Variants in UTRN observed in about 807,000 individuals in gnomAD.
The protein encoded by UTRN is dystrophin-related protein 1.
A neutral mutation model predicts 463.9 loss-of-function variants in UTRN; 283 were observed. The ratio of observed to expected loss-of-function variants is 0.61; its 90% CI spans 0.55 to 0.67. The LOEUF is 0.67. Ranked by LOEUF, UTRN falls within the 30% of genes least tolerant of loss-of-function variation. The pLI, the probability that UTRN is intolerant of heterozygous loss-of-function variation, is 0.00. For missense variants in UTRN, 3,922 were observed against 4,084.3 expected (o/e 0.96, Z 1.08); for synonymous variants, 1,442 against 1,431.5 (o/e 1.01, Z -0.17).
At chr6:144,301,991 C>T (rs1252432908) in intron 2 of UTRN, among the ~76,000 whole-genome samples, 2 of 152,152 alleles carry the variant, frequency 1.3e-5, no homozygotes, top group African/African-American at 4.8e-5. Context: ...TTCTCCTTCT[C>T]CCTGCGTCCC....
In UTRN at chr6:144,473,740, G is replaced by T. The variant is rs1039581667; in HGVS notation, c.3087G>T (p.Glu1029Asp). 1 of 1,614,142 alleles carries T rather than the reference G, an allele frequency of 6.2e-7. No individual in the cohort carries two copies. Reference sequence around the variant, plus strand: ...ATTAGGCCGATTCAACAGTCATTGAGAAGTGGATGGATGGCGTGAAAGACT... The same window carrying T: ...ATTAGGCCGATTCAACAGTCATTGATAAGTGGATGGATGGCGTGAAAGACT... Reference protein sequence around the residue: ...RAFEADSTVIEKWMDGVKDFL... With the variant: ...RAFEADSTVIDKWMDGVKDFL... Residue 1029 changes from glutamate to aspartate, a missense_variant, in exon 24 of 75, where the codon GAG (glutamate) becomes GAT (aspartate). Glu to Asp is a conservative substitution (Grantham distance 45). Coordinates refer to ENST00000367545, the MANE Select transcript of UTRN (RefSeq NM_007124.3).
chr6:144,806,599 C>T (rs1002224510), intron 65 of UTRN, among the ~76,000 whole-genome samples: 6 of 145,468 alleles, frequency 4.1e-5, no homozygotes, highest in African/African-American at 1.5e-4. Flanking sequence ...TTCTCTGAAG[C>T]CACAGAGAAA....
At chr6:144,567,329 G>A (rs1800498711) in intron 50 of UTRN, among the ~76,000 whole-genome samples, 1 of 152,110 alleles carries the variant, frequency 6.6e-6, no homozygotes, top group Non-Finnish European at 1.5e-5. Flanking sequence ...AGGTATTGGA[G>A]TTATGATTCA....
intron 58 of UTRN, among the ~76,000 whole-genome samples, chr6:144,770,788 T>A (rs991187944): frequency 2.0e-4 from 31 of 152,062 alleles, no homozygotes; most frequent in African/African-American, 7.5e-4. Flanking sequence ...TAGAAAATAA[T>A]AATACTGGTT....
At chr6:144,389,640 C>T (rs1335285577) in intron 2 of UTRN, among the ~76,000 whole-genome samples, 3 of 151,962 alleles carry the variant, frequency 2.0e-5, no homozygotes, top group East Asian at 3.9e-4. Flanking sequence ...GCTGTGTTGC[C>T]CAGGCTGGAG....
intron 51 of UTRN, among the ~76,000 whole-genome samples, chr6:144,670,992 G>A (rs191130389): frequency 9.7e-4 from 148 of 152,072 alleles, no homozygotes; most frequent in Non-Finnish European, 1.8e-3. Context: ...CCATTAGTCT[G>A]TGTGCCTGTT....
chr6:144,448,412 T>C (rs1265808860), intron 16 of UTRN, among the ~76,000 whole-genome samples, 188 bp from the exon 17 acceptor site: 4 of 152,190 alleles, frequency 2.6e-5, no homozygotes, highest in Non-Finnish European at 4.4e-5. Context: ...TGTTGGTTTA[T>C]GGCTATGGGA....
At chr6:144,596,759 T>C (rs1803686163) in intron 51 of UTRN, among the ~76,000 whole-genome samples, 2 of 152,244 alleles carry the variant, frequency 1.3e-5, no homozygotes, top group South Asian at 4.1e-4. Flanking sequence ...TCAATTATTC[T>C]GTATGCTTGA....
intron 51 of UTRN, among the ~76,000 whole-genome samples, chr6:144,594,609 C>A (rs975022552): frequency 9.2e-5 from 14 of 151,950 alleles, no homozygotes; most frequent in African/African-American, 3.4e-4. Context: ...TTTTTCTTTT[C>A]AAAATAGTCT....
At chr6:144,434,717 A>T (rs1318352806) in intron 9 of UTRN, among the ~76,000 whole-genome samples, 1 of 152,130 alleles carries the variant, frequency 6.6e-6, no homozygotes, top group East Asian at 1.9e-4. Context: ...AGAGCCTAGA[A>T]CTTAATTTTG....
At chr6:144,449,532 G>C (rs1788041531) in intron 17 of UTRN, among the ~76,000 whole-genome samples, 1 of 152,148 alleles carries the variant, frequency 6.6e-6, no homozygotes, top group Non-Finnish European at 1.5e-5. Flanking sequence ...GCGATTTTTA[G>C]ATGGCCGTCT....
At chr6:144,467,358 T>C (rs1330135793) in intron 23 of UTRN, among the ~76,000 whole-genome samples, 2 of 152,240 alleles carry the variant, frequency 1.3e-5, no homozygotes, top group Non-Finnish European at 2.9e-5. Flanking sequence ...TCAGGCCGTC[T>C]TTTATTATGG....
At chr6:144,622,559 T>C (rs1367517982) in intron 51 of UTRN, among the ~76,000 whole-genome samples, 1 of 152,210 alleles carries the variant, frequency 6.6e-6, no homozygotes, top group Non-Finnish European at 1.5e-5. Flanking sequence ...TAGCCAGTTA[T>C]ATATTTGTGG....
chr6:144,822,493 C>G (rs977182045), intron 66 of UTRN, among the ~76,000 whole-genome samples: 1 of 152,078 alleles, frequency 6.6e-6, no homozygotes, highest in Non-Finnish European at 1.5e-5. Context: ...AAGATATATT[C>G]TTTCCACTTG....
intron 39 of UTRN, among the ~76,000 whole-genome samples, chr6:144,519,847 G>A (rs1298180927): frequency 6.6e-6 from 1 of 152,186 alleles, no homozygotes; most frequent in East Asian, 1.9e-4. Flanking sequence ...GGTACACGTG[G>A]TCTTGCAGAA....
intron 6 of UTRN, among the ~76,000 whole-genome samples, chr6:144,424,923 T>C (rs528962572): frequency 6.6e-6 from 1 of 152,338 alleles, no homozygotes; most frequent in South Asian, 2.1e-4. Flanking sequence ...ATGCCAATTA[T>C]TGATTATTAA....
intron 51 of UTRN, among the ~76,000 whole-genome samples, chr6:144,621,711 C>T (rs1489191500): frequency 6.6e-6 from 1 of 152,144 alleles, no homozygotes; most frequent in Non-Finnish European, 1.5e-5. Flanking sequence ...TCTCCTTATA[C>T]CTCAATCACT....
In UTRN at chr6:144,557,202, T is replaced by C; in HGVS notation, c.7180T>C (p.Phe2394Leu). Residue 2394 changes from phenylalanine (F) to leucine (L), a missense_variant, in exon 50 of 75, where the codon TTC (phenylalanine) becomes CTC (leucine). By Grantham distance (22) the Phe-to-Leu change is conservative (BLOSUM62 0). Coordinates refer to ENST00000367545, the MANE Select transcript of UTRN (RefSeq NM_007124.3). ...LGPGDGIVMA[F>L]DNVLQKLLEE... ...TCCTGGAGATGGTATCGTCATGGCG[T>C]TCGATAACGTCCTGCAGAAACTCCT... is the stretch of plus-strand genomic sequence containing the variant. 1 of 1,613,934 alleles carries C rather than the reference T, an allele frequency of 6.2e-7. No homozygotes were observed. The highest frequency in any genetic ancestry group is 1.1e-5 in the South Asian group (1 of 91,066).
chr6:144,736,554 A>C (rs1262075157), intron 54 of UTRN, among the ~76,000 whole-genome samples: 1 of 152,154 alleles, frequency 6.6e-6, no homozygotes, highest in Non-Finnish European at 1.5e-5. Context: ...ATTCCACATT[A>C]GTTTCCTCCA....
Sources: gnomAD v4.1 joint callset for allele counts (sites outside exome capture counted in the v4.1 genomes callset) on GRCh38, gnomAD v4.1.1 for gene constraint, MANE v1.5 for transcripts, NCBI Gene and HGNC (gene_info 2026-07-23, HGNC 2026-07-21) for gene names.